Variants in PRIM2 observed in about 807,000 individuals in gnomAD.
PRIM2 encodes the protein DNA primase subunit 2, also known as DNA primase large subunit.
PRIM2 carries 39 observed loss-of-function variants against 67.3 expected under a neutral mutation model. That is an observed-to-expected ratio of 0.58 (90% CI 0.45 to 0.76). The LOEUF (loss-of-function observed/expected upper bound fraction) is 0.76. Among genes scored for constraint, PRIM2 ranks in the 30% least tolerant of loss-of-function variants. The pLI is 0.00. For synonymous variants in PRIM2, 143 were observed against 198.7 expected, an observed-to-expected ratio of 0.72 and a Z score of 2.36; for missense variants, 398 against 598.7, an observed-to-expected ratio of 0.66 and a Z score of 3.50.
chr6:57,262,691 C>T, the PRIM2 span, among the ~76,000 whole-genome samples: 1 of 152,108 alleles, frequency 6.6e-6, no homozygotes, highest in Non-Finnish European at 1.5e-5. Context: ...AGGAGAATGT[C>T]CTTCCCTGGC....
In PRIM2 at chr6:57,456,480, C is replaced by T. The variant is rs986283958; in HGVS notation, c.694-50907C>T. 2.0e-5 allele frequency among the ~76,000 whole-genome samples: 3 copies of T among 152,204 alleles called. No individual in the cohort carries two copies. In the South Asian group the frequency reaches 6.2e-4, roughly 32 times the overall value. On this transcript the variant is annotated intron_variant, in intron 7 of 13. Transcript: ENST00000615550. ...TCCCATATTTCTTGGAGGCTTTGTT[C>T]GTTTCTTTTTATTCTTTTTTCTCTA...
the PRIM2 span, among the ~76,000 whole-genome samples, chr6:57,237,476 G>A: frequency 3.9e-5 from 6 of 152,088 alleles, no homozygotes; most frequent in South Asian, 2.1e-4. Context: ...TGTTTTAGAC[G>A]TGAAGTCCTT....
intron 10 of PRIM2, among the ~76,000 whole-genome samples, chr6:57,581,981 TGGGGCAA>T (rs1390479363): frequency 6.6e-6 from 1 of 152,212 alleles, no homozygotes; most frequent in Non-Finnish European, 1.5e-5. Context: ...ACTACAGGCA[TGGGGCAA>T]CATGCCTAGC....
intron 10 of PRIM2, among the ~76,000 whole-genome samples, chr6:57,549,092 A>G (rs1775349845): frequency 6.6e-6 from 1 of 152,198 alleles, no homozygotes; most frequent in South Asian, 2.1e-4. Context: ...AAACAGTACT[A>G]GGCTATAAAT....
rs1776455912 is a variant in PRIM2 at position 57,601,119 on chromosome 6, C to T, written c.1047C>T (p.Ile349=). The T allele has an allele frequency of 2.5e-6, 4 of 1,611,792 alleles. No individual in the cohort carries two copies. Among genetic ancestry groups the T allele is most frequent in the Non-Finnish European group, 3.4e-6 (4 of 1,178,722 alleles). ...TTGATAAAGGTTACTCTTACAACAT[C>T]CGTCACAGCTTTGGAAAGGAAGGCA... ...DKFDKGYSYN[I]RHSFGKEGKR... The change falls in exon 11 of 14, where the codon ATC becomes ATT. Residue 349 remains isoleucine (I), a synonymous_variant. Coordinates refer to ENST00000615550, the MANE Select transcript of PRIM2 (RefSeq NM_000947.5).
In PRIM2 at chr6:57,628,514, AG is replaced by A. The variant is rs1480287530; in HGVS notation, c.1231-3613del. Among the ~76,000 whole-genome samples, 141 of 152,096 alleles carry A rather than the reference AG, an allele frequency of 9.3e-4. 3 individuals are homozygous for A. Among genetic ancestry groups the A allele is most frequent in the Non-Finnish European group, 2.1e-4 (14 of 68,012 alleles). On this transcript the variant is annotated intron_variant, in intron 12 of 13. Coordinates refer to ENST00000615550, the MANE Select transcript of PRIM2 (RefSeq NM_000947.5). ...TTTTAAAAATTTTTATTTTAGATTC[AG>A]GGGGGCACATGTGCAGGTTTATTAT...
At chr6:57,310,677 G>A (rs377260612), upstream of PRIM2, among the ~76,000 whole-genome samples, 179 of 150,692 alleles carry the variant, frequency 1.2e-3, 1 homozygote, top group African/African-American at 3.9e-3. Context: ...CAGACGGGGC[G>A]GCCAGGCAGA....
At chr6:57,456,676 T>G (rs1473841712) in intron 7 of PRIM2, among the ~76,000 whole-genome samples, 4 of 152,318 alleles carry the variant, frequency 2.6e-5, no homozygotes, top group Non-Finnish European at 4.4e-5. Flanking sequence ...TTATTCTAGT[T>G]AGCCATTCGT....
chr6:57,552,013 C>A (rs1185416529), intron 10 of PRIM2, among the ~76,000 whole-genome samples: 1 of 152,086 alleles, frequency 6.6e-6, no homozygotes, highest in Non-Finnish European at 1.5e-5. Flanking sequence ...CAAGTGTACT[C>A]AGAATTAACA....
intron 7 of PRIM2, among the ~76,000 whole-genome samples, chr6:57,386,938 C>A (rs540265359): frequency 6.6e-6 from 1 of 152,232 alleles, no homozygotes; most frequent in African/African-American, 2.4e-5. Flanking sequence ...AGTTTTACCC[C>A]AGGTGACAAC....
chr6:57,505,868 ACT>A (rs1412943681), intron 7 of PRIM2, among the ~76,000 whole-genome samples: 2 of 152,014 alleles, frequency 1.3e-5, no homozygotes, highest in African/African-American at 4.8e-5. Context: ...GAAAAAGCCC[ACT>A]CTGTCTGCTC....
At chr6:57,478,324 GTGTTTTTTTTT>G (rs1773527688) in intron 7 of PRIM2, among the ~76,000 whole-genome samples, 2 of 141,642 alleles carry the variant, frequency 1.4e-5, no homozygotes, top group Non-Finnish European at 3.0e-5. Context: ...TGTTGTGGTT[GTGTTTTTTTTT>G]TGTTTTTTTT....
intron 12 of PRIM2, among the ~76,000 whole-genome samples, chr6:57,619,007 C>T (rs1776804481): frequency 6.6e-6 from 1 of 152,186 alleles, no homozygotes; most frequent in East Asian, 1.9e-4. Flanking sequence ...ACTAAGAACC[C>T]TCATGGAGTT....
At chr6:57,438,106 TGTC>T (rs200901334) in intron 7 of PRIM2, among the ~76,000 whole-genome samples, 13,238 of 152,238 alleles carry the variant, frequency 0.087, 579 homozygotes, top group South Asian at 0.11. Context: ...ACATTTTCTG[TGTC>T]GTCTTTTGTT....
At chr6:57,413,539 C>A (rs1469045072) in intron 7 of PRIM2, among the ~76,000 whole-genome samples, 4 of 152,006 alleles carry the variant, frequency 2.6e-5, no homozygotes, top group Non-Finnish European at 4.4e-5. Context: ...AACTAATGGA[C>A]AACTCATAAC....
intron 5 of PRIM2, 93 bp downstream of exon 5, chr6:57,326,138 T>A: frequency 7.1e-7 from 1 of 1,403,330 alleles, no homozygotes; most frequent in South Asian, 1.4e-5. Context: ...GTGTGTTCTC[T>A]TTACATTCTC....
intron 10 of PRIM2, among the ~76,000 whole-genome samples, chr6:57,574,812 G>A (rs1200748047): frequency 4.0e-5 from 6 of 150,898 alleles, no homozygotes; most frequent in Non-Finnish European, 7.4e-5. Flanking sequence ...ACAGGGTATC[G>A]TTTATTCAGT....
intron 7 of PRIM2, among the ~76,000 whole-genome samples, chr6:57,392,629 A>G (rs1313211395): frequency 1.3e-5 from 2 of 151,772 alleles, no homozygotes; most frequent in African/African-American, 4.8e-5. Context: ...AGGGAGAAGG[A>G]AAATATTCGT....
intron 7 of PRIM2, among the ~76,000 whole-genome samples, chr6:57,402,163 C>T (rs112507960): frequency 0.088 from 13,344 of 152,218 alleles, 598 homozygotes; most frequent in South Asian, 0.11. Context: ...CACTCCAGTC[C>T]CTAGTCACCT....
Sources: allele counts gnomAD v4.1 joint callset (sites outside exome capture counted in the v4.1 genomes callset), GRCh38; gene constraint gnomAD v4.1.1; transcripts MANE v1.5; gene names NCBI Gene and HGNC (gene_info 2026-07-23, HGNC 2026-07-21).